PDPK1: variants seen among roughly 807,000 people sequenced by gnomAD.
PDPK1 encodes 3-phosphoinositide dependent protein kinase 1.
A neutral mutation model predicts 39.8 loss-of-function variants in PDPK1; 7 were observed. The ratio of observed to expected loss-of-function variants is 0.18; its 90% confidence interval spans 0.10 to 0.33. The LOEUF (loss-of-function observed/expected upper bound fraction) is 0.33, where lower values mean the gene tolerates loss of function less well. Among genes scored for constraint, PDPK1 ranks in the 10% least tolerant of loss-of-function variants. The pLI, the probability that PDPK1 is intolerant of heterozygous loss-of-function variation, is 1.00. For synonymous variants in PDPK1, 118 were observed against 159.1 expected (o/e 0.74, Z 1.95); for missense variants, 182 against 384.7 (o/e 0.47, Z 4.41).
chr16:2,594,825 A>G (rs891955590), intron 11 of PDPK1, among the ~76,000 whole-genome samples: 3 of 152,196 alleles, frequency 2.0e-5, no homozygotes, highest in Non-Finnish European at 4.4e-5. Context: ...TACTAAAAAT[A>G]CAAAAAAATT....
Position 2,597,042 on chromosome 16 carries a change from G to A in PDPK1, c.1402-81G>A. ...GGCCCTGTGTCCTGAGCAGCTCCGAGGGGCCGCCCAGCCCTCTAGGCTCCA... is the reference window on the plus strand; with the variant it reads ...GGCCCTGTGTCCTGAGCAGCTCCGAAGGGCCGCCCAGCCCTCTAGGCTCCA... On this transcript the variant is annotated intron_variant, in intron 12 of 13. Coordinates refer to ENST00000342085, the MANE Select transcript of PDPK1 (RefSeq NM_002613.5). This position sits in a 1 kb window ranked among gnomAD's most constrained non-coding sequence, Gnocchi z 6.3. 1.7e-6 allele frequency: 2 copies of A among 1,204,362 alleles called. No homozygotes were observed. Among genetic ancestry groups the A allele is most frequent in the Non-Finnish European group, 2.3e-6 (2 of 868,702 alleles). The allele number at this position is 1,204,362 out of a possible 1,614,324, so 74.6% of individuals were successfully genotyped here. A position where few individuals can be genotyped will look rare whatever the true frequency, so the allele number is the denominator to read the frequency against.
At chr16:2,540,965 C>T (rs927118527) in intron 1 of PDPK1, among the ~76,000 whole-genome samples, 7 of 152,088 alleles carry the variant, frequency 4.6e-5, no homozygotes, top group African/African-American at 1.7e-4. Context: ...AAGTGGCTTT[C>T]GATTTTCTCT....
chr16:2,540,121 C>G (rs928675064), intron 1 of PDPK1, among the ~76,000 whole-genome samples: 3 of 152,196 alleles, frequency 2.0e-5, no homozygotes, highest in African/African-American at 7.2e-5. Flanking sequence ...GGATTTTCAC[C>G]TGAGGATGGA....
chr16:2,579,914 C>CA (rs1478822569), intron 7 of PDPK1: 1 of 134,946 alleles, frequency 7.4e-6, no homozygotes, highest in African/African-American at 2.8e-5. Flanking sequence ...GCCTAGGTGA[C>CA]AGAGTAAGAC....
chr16:2,540,727 C>G (rs1035653236), intron 1 of PDPK1, among the ~76,000 whole-genome samples: 8 of 152,174 alleles, frequency 5.3e-5, no homozygotes, highest in African/African-American at 1.7e-4. Flanking sequence ...CAGAAAGCAG[C>G]TGTTTGGGAA....
intron 6 of PDPK1, chr16:2,577,034 C>G (rs1456458835): frequency 2.9e-6 from 1 of 349,948 alleles, no homozygotes; most frequent in Non-Finnish European, 5.3e-6. Context: ...CCTCAGCTCC[C>G]AAGCTGTTTG....
intron 1 of PDPK1, among the ~76,000 whole-genome samples, chr16:2,551,747 A>G (rs1356398632): frequency 1.3e-5 from 2 of 149,042 alleles, no homozygotes; most frequent in African/African-American, 4.9e-5. Context: ...GCTCACTGCA[A>G]CCTCCGCCTC....
At chr16:2,540,202 C>T (rs947607591) in intron 1 of PDPK1, among the ~76,000 whole-genome samples, 1 of 152,198 alleles carries the variant, frequency 6.6e-6, no homozygotes, top group African/African-American at 2.4e-5. Flanking sequence ...TGTGAGAAGC[C>T]CCCTTCCCAG....
At chr16:2,562,974 G>C (rs1314118658) in intron 4 of PDPK1, 4 of 152,726 alleles carry the variant, frequency 2.6e-5, no homozygotes, top group African/African-American at 9.7e-5. Context: ...CCGGTCAAGA[G>C]AATGGAGTCA....
intron 11 of PDPK1, among the ~76,000 whole-genome samples, chr16:2,589,408 T>C (rs781235357): frequency 2.0e-5 from 3 of 152,166 alleles, no homozygotes; most frequent in Non-Finnish European, 4.4e-5. Context: ...GAGAATACGG[T>C]AAGTTAAGTT....
At position 2,599,179 on chromosome 16, in the gene PDPK1, C is replaced by G. The variant is rs889949943; in HGVS notation, c.*1412C>G. 3 of 233,372 alleles carry G rather than the reference C, an allele frequency of 1.3e-5. No homozygotes were observed. Among genetic ancestry groups the G allele is most frequent in the Non-Finnish European group, 2.5e-5 (3 of 118,180 alleles). The allele number at this position is 233,372 out of a possible 1,614,324, so 14.5% of individuals were successfully genotyped here. A position where few individuals can be genotyped will look rare whatever the true frequency, so the allele number is the denominator to read the frequency against. On this transcript the variant is annotated 3_prime_UTR_variant, in exon 14 of 14. Coordinates refer to ENST00000342085, the MANE Select transcript of PDPK1 (RefSeq NM_002613.5). ...GGTGGCCTGGCAGGTCTGGGCCCTT[C>G]TCTCCCTGCCCAGGTTGTCCCTGGA...
intron 1 of PDPK1, among the ~76,000 whole-genome samples, chr16:2,541,317 G>A (rs2066240983): frequency 6.6e-6 from 1 of 152,166 alleles, no homozygotes; most frequent in Admixed American, 6.5e-5. Flanking sequence ...CCTGACCCAG[G>A]GTTTAGATGC....
rs919931696 is a variant in PDPK1 at position 2,599,913 on chromosome 16, C to A, written c.*2146C>A. ...GATAGAACCACCACCTCCTGGGCGT[C>A]ACTGACAAGCTCCATCTTAACCTCC... On this transcript the variant is annotated 3_prime_UTR_variant, in exon 14 of 14. Coordinates refer to ENST00000342085, the MANE Select transcript of PDPK1 (RefSeq NM_002613.5). 1 of 233,204 alleles carries A rather than the reference C, an allele frequency of 4.3e-6. No homozygotes were observed. Among genetic ancestry groups the A allele is most frequent in the Non-Finnish European group, 8.5e-6 (1 of 118,074 alleles). 14.4% of individuals were successfully genotyped at this position (233,204 alleles called of 1,614,324 possible).
At chr16:2,551,428 T>G (rs1241472034) in intron 1 of PDPK1, among the ~76,000 whole-genome samples, 2 of 151,320 alleles carry the variant, frequency 1.3e-5, no homozygotes, top group African/African-American at 2.4e-5. Flanking sequence ...AGGTGGATTG[T>G]GGCAGCCTCC....
At chr16:2,592,096 G>C (rs992267252) in intron 11 of PDPK1, among the ~76,000 whole-genome samples, 1 of 152,266 alleles carries the variant, frequency 6.6e-6, no homozygotes, top group African/African-American at 2.4e-5. Context: ...CCTTGCTGGG[G>C]CTCTCCTGGG....
chr16:2,552,556 T>G (rs1375440306), intron 1 of PDPK1, among the ~76,000 whole-genome samples: 2 of 138,596 alleles, frequency 1.4e-5, no homozygotes, highest in East Asian at 2.1e-4. Context: ...CATCTGCCTG[T>G]GGGAATAAGT....
intron 12 of PDPK1, among the ~76,000 whole-genome samples, 193 bp from the exon 13 acceptor site, chr16:2,596,930 T>C (rs1441745110): frequency 6.6e-6 from 1 of 152,136 alleles, no homozygotes; most frequent in African/African-American, 2.4e-5. Flanking sequence ...AGCAGAGGCC[T>C]GTGCTGCATC....
In PDPK1 at chr16:2,589,709, A is replaced by AG. The variant is rs1189612218; in HGVS notation, c.1343+2816_1343+2817insG. ...GTCTCAAAATTGGAAAAAAAAAAAAAAAAAAGGTAAAAGGAATTTTTAAAT... is the reference window on the plus strand; with the variant it reads ...GTCTCAAAATTGGAAAAAAAAAAAAAGAAAAAGGTAAAAGGAATTTTTAAAT... On this transcript the variant is annotated intron_variant, in intron 11 of 13. Transcript: ENST00000342085. Among the ~76,000 whole-genome samples, 44 of 152,216 alleles carry AG rather than the reference A, an allele frequency of 2.9e-4. 1 individual carries two copies. The highest frequency in any genetic ancestry group is 2.0e-3 in the Admixed American group (30 of 15,288).
chr16:2,597,639 C>T lies in PDPK1; in HGVS notation c.1555-12C>T. 1.3e-6 allele frequency: 2 copies of T among 1,592,724 alleles called. No homozygotes were observed. The highest frequency in any genetic ancestry group is 2.2e-5 in the East Asian group (1 of 44,800). ...CTCCCTGGAGAACACTAAACGGCTT[C>T]TGTCTTCGCAGCCTAACAGGACGTA... is the stretch of plus-strand genomic sequence containing the variant. On this transcript the variant is annotated splice_polypyrimidine_tract_variant and intron_variant, in intron 13 of 13. Coordinates refer to ENST00000342085, the MANE Select transcript of PDPK1 (RefSeq NM_002613.5). The surrounding 1 kb of genome is among the most constrained non-coding windows in gnomAD (Gnocchi z 6.3).
Sources: gnomAD v4.1 joint callset for allele counts (sites outside exome capture counted in the v4.1 genomes callset) on GRCh38, gnomAD v4.1.1 for gene constraint, Gnocchi (gnomAD v3.1) non-coding constraint, MANE v1.5 for transcripts, NCBI Gene and HGNC (gene_info 2026-07-23, HGNC 2026-07-21) for gene names.